The following CDH18 variants were observed in gnomAD, a reference collection of about 807,000 sequenced individuals.
The protein encoded by CDH18 is cadherin-18.
A neutral mutation model predicts 67.9 loss-of-function variants in CDH18; 31 were observed. The observed-to-expected ratio is 0.46, with a 90% CI of 0.34 to 0.62. The LOEUF (loss-of-function observed/expected upper bound fraction) is 0.62, where lower values mean the gene tolerates loss of function less well. CDH18 is among the 20% of genes least tolerant of loss of function. The pLI is 0.01. For synonymous variants in CDH18, 362 were observed against 347.2 expected (o/e 1.04, Z -0.48); for missense variants, 890 against 975.5 (o/e 0.91, Z 1.17).
At chr5:20,429,683 A>T (rs1462719709) in intron 1 of CDH18, among the ~76,000 whole-genome samples, 1 of 152,212 alleles carries the variant, frequency 6.6e-6, no homozygotes, top group Non-Finnish European at 1.5e-5. Context: ...ACTTTGAGCA[A>T]GTAAGAACTG....
Position 20,423,946 on chromosome 5 carries a change from C to CAAAAAAA in CDH18, c.-580+151509_-580+151515dup, listed in dbSNP as rs553723574. 6.7e-3 allele frequency among the ~76,000 whole-genome samples: 426 copies of CAAAAAAA among 63,782 alleles called. 37 individuals are homozygous for CAAAAAAA. The highest frequency in any genetic ancestry group is 0.036 in the African/African-American group (403 of 11,154). 41.8% of individuals were successfully genotyped at this position (63,782 alleles called of 152,430 possible). A position where few individuals can be genotyped will look rare whatever the true frequency, so the allele number is the denominator to read the frequency against. On this transcript the variant is annotated intron_variant, in intron 1 of 14. Coordinates refer to the CDH18 transcript ENST00000507958. ...TGGGCGACTGAGCGAGACTCCGTCT[C>CAAAAAAA]AAAAAAAAAAAAAAAAAAAAAAAAA...
At chr5:20,254,241 C>T (rs1251075158) in intron 2 of CDH18, among the ~76,000 whole-genome samples, 1 of 152,022 alleles carries the variant, frequency 6.6e-6, no homozygotes, top group Non-Finnish European at 1.5e-5. Context: ...GCCTCCTGAG[C>T]AGCTGGGATT....
At chr5:20,562,512 T>C (rs948438543) in intron 1 of CDH18, among the ~76,000 whole-genome samples, 73 of 151,800 alleles carry the variant, frequency 4.8e-4, no homozygotes, top group African/African-American at 1.7e-3. Flanking sequence ...ATACTGTATA[T>C]GATAAAAATG....
chr5:19,543,718 G>C, intron 9 of CDH18, 151 bp downstream of exon 9: 1 of 457,946 alleles, frequency 2.2e-6, no homozygotes, highest in Non-Finnish European at 3.8e-6. Flanking sequence ...CATGCTATCT[G>C]ATAATGAGAA....
intron 2 of CDH18, among the ~76,000 whole-genome samples, chr5:19,870,563 G>T (rs1032665023): frequency 6.6e-6 from 1 of 152,012 alleles, no homozygotes; most frequent in African/African-American, 2.4e-5. Flanking sequence ...CCAAATGCTT[G>T]CAGAGAATAA....
chr5:20,427,306 G>A (rs1748377058), intron 1 of CDH18, among the ~76,000 whole-genome samples: 1 of 151,014 alleles, frequency 6.6e-6, no homozygotes, highest in South Asian at 2.1e-4. Flanking sequence ...ATGTATCTTA[G>A]AAAGTGTTCA....
At chr5:20,427,636 A>G (rs1178959174) in intron 1 of CDH18, among the ~76,000 whole-genome samples, 1 of 151,200 alleles carries the variant, frequency 6.6e-6, no homozygotes, top group Non-Finnish European at 1.5e-5. Context: ...CATTAGGTGT[A>G]AAATGGACAT....
intron 2 of CDH18, among the ~76,000 whole-genome samples, chr5:19,957,407 G>A (rs1316110846): frequency 6.6e-6 from 1 of 151,246 alleles, no homozygotes; most frequent in African/African-American, 2.4e-5. Context: ...TAATATATCA[G>A]CTCTATGTGT....
chr5:20,035,550 A>G (rs140724295), intron 2 of CDH18, among the ~76,000 whole-genome samples: 1 of 152,068 alleles, frequency 6.6e-6, no homozygotes, highest in Non-Finnish European at 1.5e-5. Flanking sequence ...GAGAGTGAAA[A>G]GTCCAGGGGA....
At chr5:19,958,928 G>A (rs1341833195) in intron 2 of CDH18, among the ~76,000 whole-genome samples, 3 of 152,010 alleles carry the variant, frequency 2.0e-5, no homozygotes, top group Non-Finnish European at 4.4e-5. Context: ...CATTCTGCTA[G>A]GTATCCTCAC....
At chr5:19,957,768 T>C (rs1464127961) in intron 2 of CDH18, among the ~76,000 whole-genome samples, 1 of 152,066 alleles carries the variant, frequency 6.6e-6, no homozygotes, top group Admixed American at 6.6e-5. Flanking sequence ...CCATCATCTG[T>C]TGTAATTTAT....
At chr5:19,964,879 A>T (rs1797275674) in intron 2 of CDH18, among the ~76,000 whole-genome samples, 1 of 152,168 alleles carries the variant, frequency 6.6e-6, no homozygotes, top group Admixed American at 6.5e-5. Context: ...AATAATTTAG[A>T]TGAATAAATT....
intron 2 of CDH18, among the ~76,000 whole-genome samples, chr5:19,976,396 C>T (rs1012513749): frequency 1.3e-5 from 2 of 152,062 alleles, no homozygotes; most frequent in Non-Finnish European, 2.9e-5. Flanking sequence ...CGCACATACA[C>T]ACACATTTGT....
chr5:19,985,674 T>C (rs760344534), intron 1 of CDH18, among the ~76,000 whole-genome samples: 35 of 151,978 alleles, frequency 2.3e-4, no homozygotes, highest in Non-Finnish European at 4.7e-4. Flanking sequence ...ATTATAGATA[T>C]GTATAATGCA....
intron 1 of CDH18, among the ~76,000 whole-genome samples, chr5:20,405,674 T>C (rs1329460837): frequency 6.6e-6 from 1 of 152,148 alleles, no homozygotes; most frequent in Admixed American, 6.5e-5. Flanking sequence ...GAGAAAATTT[T>C]TGCAATCTAC....
chr5:20,500,568 G>A (rs866950340), intron 1 of CDH18, among the ~76,000 whole-genome samples: 1 of 152,090 alleles, frequency 6.6e-6, no homozygotes, highest in Admixed American at 6.6e-5. Context: ...CTGGTGATTC[G>A]TTATCAAAAG....
chr5:20,422,195 GA>G (rs1373039079), intron 1 of CDH18, among the ~76,000 whole-genome samples: 1 of 144,558 alleles, frequency 6.9e-6, no homozygotes, highest in East Asian at 1.9e-4. Flanking sequence ...CAAACTTGAT[GA>G]AAAAATAGCC....
intron 3 of CDH18, among the ~76,000 whole-genome samples, chr5:19,762,238 A>G (rs1694341697): frequency 1.3e-5 from 2 of 152,214 alleles, no homozygotes; most frequent in Admixed American, 6.5e-5. Flanking sequence ...CAAAATAGAC[A>G]AATGGGATCT....
At chr5:20,260,567 T>G (rs899417782) in intron 1 of CDH18, among the ~76,000 whole-genome samples, 10 of 152,162 alleles carry the variant, frequency 6.6e-5, no homozygotes, top group African/African-American at 2.4e-4. Context: ...TCAGAAAGAC[T>G]TAAACAGTTC....
Sources: allele counts gnomAD v4.1 joint callset (sites outside exome capture counted in the v4.1 genomes callset), GRCh38; gene constraint gnomAD v4.1.1; transcripts MANE v1.5; gene names NCBI Gene and HGNC (gene_info 2026-07-23, HGNC 2026-07-21).